Variants in SLC1A1 observed in about 807,000 individuals in gnomAD.
SLC1A1 encodes the protein solute carrier family 1 member 1, also known as excitatory amino acid transporter 3.
SLC1A1 carries 43 observed loss-of-function variants against 53.3 expected under a neutral mutation model. The observed-to-expected ratio is 0.81, with a 90% CI of 0.63 to 1.04. The LOEUF (loss-of-function observed/expected upper bound fraction) is 1.04. SLC1A1 is among the 50% of genes least tolerant of loss of function. The pLI, the probability that SLC1A1 is intolerant of heterozygous loss-of-function variation, is 0.00. For synonymous variants in SLC1A1, 307 were observed against 243.2 expected, an observed-to-expected ratio of 1.26 and a Z score of -2.44; for missense variants, 748 against 664.9, an observed-to-expected ratio of 1.12 and a Z score of -1.37.
intron 1 of SLC1A1, among the ~76,000 whole-genome samples, chr9:4,539,010 G>A (rs947508629): frequency 6.6e-6 from 1 of 152,104 alleles, no homozygotes; most frequent in East Asian, 1.9e-4. Flanking sequence ...ATATGTTTTA[G>A]CAATAATTAA....
intron 1 of SLC1A1, among the ~76,000 whole-genome samples, chr9:4,535,581 A>G (rs1438675616): frequency 7.2e-5 from 11 of 152,324 alleles, no homozygotes; most frequent in Middle Eastern, 6.8e-3. Context: ...ATGGAAGAAC[A>G]TTCCATGCTC....
chr9:4,540,768 G>C (rs961122955), intron 1 of SLC1A1, among the ~76,000 whole-genome samples: 1 of 152,174 alleles, frequency 6.6e-6, no homozygotes, highest in Non-Finnish European at 1.5e-5. Context: ...ACGGTGTCAG[G>C]GAAATTTCCT....
intron 1 of SLC1A1, among the ~76,000 whole-genome samples, chr9:4,492,463 CAG>C (rs1181460518): frequency 9.2e-6 from 1 of 108,260 alleles, no homozygotes; most frequent in Non-Finnish European, 1.8e-5. Flanking sequence ...GCCTGGGTGA[CAG>C]AGCAAGAATC....
chr9:4,545,189 GTCTCTCTC>G (rs6150901), intron 2 of SLC1A1, among the ~76,000 whole-genome samples: 2,222 of 130,986 alleles, frequency 0.017, 35 homozygotes, highest in Non-Finnish European at 0.026. Context: ...TACATTAGAT[GTCTCTCTC>G]TCTCTCTCTC....
chr9:4,513,953 A>G (rs1188116274), intron 1 of SLC1A1, among the ~76,000 whole-genome samples: 1 of 152,244 alleles, frequency 6.6e-6, no homozygotes, highest in African/African-American at 2.4e-5. Flanking sequence ...CTTACATAGA[A>G]TATGATTCCA....
At chr9:4,568,311 G>T (rs756744011) in intron 6 of SLC1A1, among the ~76,000 whole-genome samples, 4 of 151,932 alleles carry the variant, frequency 2.6e-5, no homozygotes, top group Admixed American at 2.0e-4. Context: ...CCAGCTACTC[G>T]GGAGGCTGAA....
Position 4,576,707 on chromosome 9 carries a change from G to T in SLC1A1, c.1137G>T (p.Val379=). The T allele has an allele frequency of 2.5e-6, 4 of 1,614,226 alleles. No homozygotes were observed. Among genetic ancestry groups the T allele is most frequent in the Non-Finnish European group, 3.4e-6 (4 of 1,180,040 alleles). The change falls in exon 10 of 12, where the codon GTG becomes GTT. Residue 379 remains valine, a synonymous_variant. Coordinates refer to ENST00000262352, the MANE Select transcript of SLC1A1 (RefSeq NM_004170.6). ...CGCTCTATGAAGCAGTGGCAGCGGT[G>T]TTTATTGCACAGTTGAATGACCTGG... ...GTALYEAVAA[V]FIAQLNDLDL... is the part of the protein sequence containing the mutation.
intron 11 of SLC1A1, among the ~76,000 whole-genome samples, chr9:4,584,889 G>A (rs1322823948): frequency 2.0e-5 from 3 of 152,086 alleles, no homozygotes; most frequent in Non-Finnish European, 4.4e-5. Flanking sequence ...ACATGCACAT[G>A]GTACATACTC....
At chr9:4,495,996 T>C (rs1307872753) in intron 1 of SLC1A1, among the ~76,000 whole-genome samples, 1 of 151,896 alleles carries the variant, frequency 6.6e-6, no homozygotes, top group East Asian at 1.9e-4. Flanking sequence ...GCTAAGTGAG[T>C]CTGGTGCTCA....
chr9:4,527,012 G>C (rs569291743), intron 1 of SLC1A1, among the ~76,000 whole-genome samples: 4 of 152,234 alleles, frequency 2.6e-5, no homozygotes, highest in African/African-American at 9.6e-5. Context: ...TCCTGGGTAG[G>C]CCTGACTTAA....
At chr9:4,553,225 A>G (rs1167021324) in intron 2 of SLC1A1, among the ~76,000 whole-genome samples, 1 of 152,172 alleles carries the variant, frequency 6.6e-6, no homozygotes, top group Non-Finnish European at 1.5e-5. Flanking sequence ...TTACTGGACA[A>G]TAAGTTCAGG....
chr9:4,583,238 TGC>T lies in SLC1A1; in HGVS notation c.1328+67_1328+68del. ...GCGGGCTTCCCAGCCTCGCAGGCGCTGCAGTCTGTCATCATTCTCTCCTCAGA... is the reference window on the plus strand; with the variant it reads ...GCGGGCTTCCCAGCCTCGCAGGCGCTAGTCTGTCATCATTCTCTCCTCAGA... On this transcript the variant is annotated intron_variant, in intron 11 of 11. Transcript: ENST00000262352. The surrounding 1 kb of genome is among the most constrained non-coding windows in gnomAD (Gnocchi z 4.6). The T allele has an allele frequency of 1.9e-6, 3 of 1,599,230 alleles. No homozygotes were observed. Among genetic ancestry groups the T allele is most frequent in the Non-Finnish European group, 1.7e-6 (2 of 1,167,110 alleles).
chr9:4,551,440 A>C (rs1817921565), intron 2 of SLC1A1, among the ~76,000 whole-genome samples: 1 of 152,208 alleles, frequency 6.6e-6, no homozygotes, highest in South Asian at 2.1e-4. Flanking sequence ...AGCTGAGGTC[A>C]TCTGATAGTC....
At chr9:4,515,893 G>A (rs529055012) in intron 1 of SLC1A1, among the ~76,000 whole-genome samples, 2 of 152,274 alleles carry the variant, frequency 1.3e-5, no homozygotes, top group South Asian at 2.1e-4. Context: ...TCCAGTATGG[G>A]ACAAGGCACT....
Position 4,586,432 on chromosome 9 carries a change from T to A in SLC1A1, c.*874T>A, listed in dbSNP as rs1037491354. 1 of 152,122 alleles carries A rather than the reference T, an allele frequency of 6.6e-6. No individual in the cohort carries two copies. The highest frequency in any genetic ancestry group is 6.6e-5 in the Admixed American group (1 of 15,256). 9.4% of individuals were successfully genotyped at this position (152,122 alleles called of 1,614,324 possible). On this transcript the variant is annotated 3_prime_UTR_variant, in exon 12 of 12. Coordinates refer to ENST00000262352, the MANE Select transcript of SLC1A1 (RefSeq NM_004170.6). ...GATCGTTTCACATCTGTATATCAGC[T>A]CTAAAGCAGAGATGTATTATGGTGA...
At chr9:4,528,447 G>A (rs550103456) in intron 1 of SLC1A1, among the ~76,000 whole-genome samples, 1 of 152,170 alleles carries the variant, frequency 6.6e-6, no homozygotes, top group East Asian at 1.9e-4. Context: ...ATGGTGGCCG[G>A]TGCCTGTAGT....
intron 10 of SLC1A1, among the ~76,000 whole-genome samples, chr9:4,578,897 G>A (rs1369141875): frequency 1.3e-5 from 2 of 152,210 alleles, no homozygotes; most frequent in African/African-American, 4.8e-5. Context: ...GTTTAGAATG[G>A]AAGTTTAAGA....
At chr9:4,541,032 C>G (rs530394067) in intron 1 of SLC1A1, among the ~76,000 whole-genome samples, 1 of 152,188 alleles carries the variant, frequency 6.6e-6, no homozygotes, top group African/African-American at 2.4e-5. Context: ...CTTGAAATTA[C>G]CTGTGTCTGT....
chr9:4,556,600 C>T lies in SLC1A1; in HGVS notation c.233-4849C>T, dbSNP rs899348617. On this transcript the variant is annotated intron_variant, in intron 2 of 11. Coordinates refer to ENST00000262352, the MANE Select transcript of SLC1A1 (RefSeq NM_004170.6). The surrounding 1 kb of genome is among the most constrained non-coding windows in gnomAD (Gnocchi z 4.1). ...AGAATAAAAACTCAGAACTAAAGGG[C>T]AAATGAGGTTTTACTTGTTTGGGAC... Among the ~76,000 whole-genome samples the T allele has an allele frequency of 2.0e-5, 3 of 152,132 alleles. No individual in the cohort carries two copies. The highest frequency in any genetic ancestry group is 6.6e-5 in the Admixed American group (1 of 15,256).
Sources: allele counts gnomAD v4.1 joint callset (sites outside exome capture counted in the v4.1 genomes callset), GRCh38; gene constraint gnomAD v4.1.1; non-coding constraint Gnocchi (gnomAD v3.1); transcripts MANE v1.5; gene names NCBI Gene and HGNC (gene_info 2026-07-23, HGNC 2026-07-21).